MTRF1: variants seen among roughly 807,000 people sequenced by gnomAD.
MTRF1 encodes the protein mitochondrial translation release factor 1, also known as peptide chain release factor 1, mitochondrial.
MTRF1 carries 51 observed loss-of-function variants against 62.9 expected under a neutral mutation model. The ratio of observed to expected loss-of-function variants is 0.81; its 90% CI spans 0.65 to 1.02. MTRF1 has a LOEUF of 1.02. MTRF1 is among the 50% of genes least tolerant of loss of function. The pLI, the probability that MTRF1 is intolerant of heterozygous loss-of-function variation, is 0.00. For synonymous variants in MTRF1, 158 were observed against 181.9 expected, an observed-to-expected ratio of 0.87 and a Z score of 1.06; for missense variants, 446 against 530.0, an observed-to-expected ratio of 0.84 and a Z score of 1.56.
At chr13:41,228,851 T>C (rs570995014) in intron 7 of MTRF1, among the ~76,000 whole-genome samples, 1 of 152,314 alleles carries the variant, frequency 6.6e-6, no homozygotes, top group African/African-American at 2.4e-5. Flanking sequence ...AAGAATGAGC[T>C]ATATAGTTCT....
chr13:41,300,292 A>G, the MTRF1 span, among the ~76,000 whole-genome samples: 1 of 152,208 alleles, frequency 6.6e-6, no homozygotes, highest in Non-Finnish European at 1.5e-5. Context: ...AACATTTCTA[A>G]AAAATAATTA....
the MTRF1 span, chr13:41,311,209 G>C: frequency 2.1e-6 from 1 of 471,022 alleles, no homozygotes; most frequent in Non-Finnish European, 3.8e-6. Context: ...CTCGCCAAAG[G>C]GCGCTCCGCG....
intron 5 of MTRF1, 48 bp downstream of exon 5, chr13:41,252,596 TA>T (rs1194684897): frequency 1.4e-6 from 2 of 1,413,214 alleles, no homozygotes; most frequent in Admixed American, 3.6e-5. Flanking sequence ...AGATCAGAGG[TA>T]AAATAATTTT....
At chr13:41,305,813 T>C in the MTRF1 span, among the ~76,000 whole-genome samples, 1 of 151,996 alleles carries the variant, frequency 6.6e-6, no homozygotes, top group Non-Finnish European at 1.5e-5. Context: ...TTTAAAGTAG[T>C]CCTTCCCTCA....
chr13:41,220,383 G>A (rs916459035), intron 9 of MTRF1, among the ~76,000 whole-genome samples: 7 of 151,364 alleles, frequency 4.6e-5, no homozygotes, highest in Admixed American at 2.0e-4. Flanking sequence ...CTAAGGCCAG[G>A]GGAAATTTCC....
At chr13:41,295,104 A>G in the MTRF1 span, among the ~76,000 whole-genome samples, 51 of 152,264 alleles carry the variant, frequency 3.3e-4, no homozygotes, top group African/African-American at 1.1e-3. Context: ...ATCCCTGGGA[A>G]AGGTACATCT....
At chr13:41,241,794 T>C (rs1416475722) in intron 5 of MTRF1, among the ~76,000 whole-genome samples, 1 of 152,228 alleles carries the variant, frequency 6.6e-6, no homozygotes, top group Non-Finnish European at 1.5e-5. Flanking sequence ...CCTGTTCTGC[T>C]GCCCTCTGTA....
chr13:41,293,341 A>G, the MTRF1 span, among the ~76,000 whole-genome samples: 5 of 152,240 alleles, frequency 3.3e-5, no homozygotes, highest in Admixed American at 6.5e-5. Context: ...GCATTAATAA[A>G]TAAGATGATT....
the MTRF1 span, among the ~76,000 whole-genome samples, chr13:41,311,958 C>G: frequency 6.6e-6 from 1 of 152,230 alleles, no homozygotes; most frequent in African/African-American, 2.4e-5. Context: ...GTTTATTTTG[C>G]CAGTCTCTCC....
chr13:41,236,043 ACACACACACACAGACACACG>A (rs2036488183), intron 6 of MTRF1: 1 of 150,676 alleles, frequency 6.6e-6, no homozygotes, highest in Admixed American at 6.6e-5. Flanking sequence ...AGACAGACAG[ACACACACACACAGACACACG>A]CACACACACA....
chr13:41,283,637 T>C, the MTRF1 span, among the ~76,000 whole-genome samples: 3 of 114,072 alleles, frequency 2.6e-5, no homozygotes, highest in East Asian at 9.1e-4. Context: ...TCACCCAGGC[T>C]GGAGTGCAGT....
the MTRF1 span, among the ~76,000 whole-genome samples, chr13:41,286,857 C>T: frequency 2.0e-5 from 3 of 152,064 alleles, no homozygotes; most frequent in Non-Finnish European, 2.9e-5. Context: ...ATATACAGTA[C>T]GATGTTATGT....
intron 5 of MTRF1, among the ~76,000 whole-genome samples, chr13:41,249,625 T>C (rs1262628131): frequency 6.2e-5 from 7 of 113,120 alleles, no homozygotes; most frequent in Admixed American, 3.5e-4. Flanking sequence ...TTTTCTTTTT[T>C]TTTTTTTTTT....
At chr13:41,268,188 G>T (rs1446826191), upstream of MTRF1, among the ~76,000 whole-genome samples, 1 of 152,146 alleles carries the variant, frequency 6.6e-6, no homozygotes, top group Non-Finnish European at 1.5e-5. Flanking sequence ...CAGGAATTAA[G>T]AAGAAATCAC....
chr13:41,238,070 A>C (rs1054872434), intron 6 of MTRF1, among the ~76,000 whole-genome samples: 1 of 152,218 alleles, frequency 6.6e-6, no homozygotes, highest in Non-Finnish European at 1.5e-5. Context: ...CTTTGATTTC[A>C]AAACATGTAT....
chr13:41,311,661 C>T, the MTRF1 span: 1 of 1,375,768 alleles, frequency 7.3e-7, no homozygotes, highest in Non-Finnish European at 1.0e-6. Context: ...TGGCGGCGGC[C>T]GGCGCGGGCC....
chr13:41,267,201 A>G (rs2040851208), upstream of MTRF1, among the ~76,000 whole-genome samples: 1 of 151,898 alleles, frequency 6.6e-6, no homozygotes, highest in Non-Finnish European at 1.5e-5. Flanking sequence ...CTGGATCCTT[A>G]GCCCTGAGGA....
chr13:41,240,235 T>C (rs764700849), intron 6 of MTRF1, 26 bp downstream of exon 6: 4 of 1,571,746 alleles, frequency 2.5e-6, no homozygotes, highest in Middle Eastern at 1.7e-4. Flanking sequence ...ATGGAGTGAG[T>C]TTCCCTTGCC....
chr13:41,232,536 C>A lies in MTRF1; in HGVS notation c.988+1354G>T, dbSNP rs187444315. On this transcript the variant is annotated intron_variant, in intron 7 of 9. Transcript: ENST00000379480. Reference sequence around the variant, plus strand: ...CAATGTTCTAAGGGGAAATTATTTCCATGAAATGATCGATGAAGTGTGAAG... The same window carrying A: ...CAATGTTCTAAGGGGAAATTATTTCAATGAAATGATCGATGAAGTGTGAAG... Among the ~76,000 whole-genome samples, 7 of 152,208 alleles carry A rather than the reference C, an allele frequency of 4.6e-5. 1 individual carries two copies. Among genetic ancestry groups the A allele is most frequent in the Admixed American group, 3.9e-4 (6 of 15,292 alleles).
Sources: allele counts gnomAD v4.1 joint callset (sites outside exome capture counted in the v4.1 genomes callset), GRCh38; gene constraint gnomAD v4.1.1; transcripts MANE v1.5; gene names NCBI Gene and HGNC (gene_info 2026-07-23, HGNC 2026-07-21).